NBPF19: variants seen among roughly 807,000 people sequenced by gnomAD.
NBPF19 encodes NBPF member 19.
NBPF19 carries 30 observed loss-of-function variants against 45.9 expected under a neutral mutation model. That is an observed-to-expected ratio of 0.65 (90% CI 0.49 to 0.89). The LOEUF is 0.89. Among genes scored for constraint, NBPF19 ranks in the 40% least tolerant of loss-of-function variants. The probability of loss-of-function intolerance (pLI) is 0.00; values close to 1 mark genes in which losing one functional copy is unlikely to be tolerated. For synonymous variants in NBPF19, 183 were observed against 181.2 expected (o/e 1.01, Z -0.08); for missense variants, 495 against 471.8 (o/e 1.05, Z -0.46).
intron 7 of NBPF19, among the ~76,000 whole-genome samples, chr1:149,482,599 C>A (rs1234648435): frequency 6.6e-6 from 1 of 152,148 alleles, no homozygotes; most frequent in Non-Finnish European, 1.5e-5. Flanking sequence ...GTTTGCTTTG[C>A]TTCTCTAGTT....
Position 149,478,197 on chromosome 1 carries a change from T to A in NBPF19, c.278+150T>A, listed in dbSNP as rs1390604666. The A allele has an allele frequency of 7.4e-4, 527 of 714,394 alleles. 15 individuals are homozygous for A. Among genetic ancestry groups the A allele is most frequent in the South Asian group, 6.6e-3 (412 of 61,976 alleles). The allele number at this position is 714,394 out of a possible 1,614,324, so 44.3% of individuals were successfully genotyped here. On this transcript the variant is annotated intron_variant, in intron 3 of 93. Transcript: ENST00000651566. ...CTCATGACACACAAATATTTATCAG[T>A]GAACAAGGATAATAATAAGTTCTGT...
At chr1:149,482,458 GT>G in intron 7 of NBPF19, among the ~76,000 whole-genome samples, 1 of 148,002 alleles carries the variant, frequency 6.8e-6, no homozygotes, top group South Asian at 2.1e-4. Context: ...GCCAAACAGG[GT>G]TTTCTTGTTG....
chr1:149,488,226 C>G (rs1253220259), intron 10 of NBPF19, 41 bp downstream of exon 10: 1 of 582,094 alleles, frequency 1.7e-6, no homozygotes, highest in Non-Finnish European at 3.0e-6. Flanking sequence ...TCCACTGAGT[C>G]TTCTGGTTAG....
At chr1:149,538,471 G>C (rs1347547952) in intron 73 of NBPF19, among the ~76,000 whole-genome samples, 40 of 33,794 alleles carry the variant, frequency 1.2e-3, no homozygotes, top group Admixed American at 3.3e-3. Context: ...GTGTGTGTGT[G>C]TGTGTGTCTA....
At chr1:149,481,018 T>G in intron 6 of NBPF19, 134 bp downstream of exon 6, 1 of 1,227,734 alleles carries the variant, frequency 8.1e-7, no homozygotes, top group Non-Finnish European at 1.2e-6. Flanking sequence ...TCAGGGAGTT[T>G]TTTTGTCCTT....
At chr1:149,484,346 G>T (rs1192841908) in intron 7 of NBPF19, among the ~76,000 whole-genome samples, 2 of 81,638 alleles carry the variant, frequency 2.4e-5, no homozygotes, top group Non-Finnish European at 4.3e-5. Flanking sequence ...GGGGCCTGTT[G>T]TAGGGTGGGG....
chr1:149,490,733 G>A (rs1459268958), intron 13 of NBPF19, among the ~76,000 whole-genome samples: 3 of 53,390 alleles, frequency 5.6e-5, no homozygotes, highest in Non-Finnish European at 6.8e-5. Flanking sequence ...TTCTCATGGC[G>A]ACTGCATGGA....
intron 10 of NBPF19, 32 bp downstream of exon 10, chr1:149,488,217 C>T: frequency 1.7e-6 from 1 of 591,020 alleles, no homozygotes; most frequent in South Asian, 2.0e-5. Flanking sequence ...TGATAAGGAT[C>T]CACTGAGTCT....
rs1286072376 is a variant in NBPF19, at chr1:149,495,655, CTGTGTG to C, written c.2223-228_2223-223del. On this transcript the variant is annotated intron_variant, in intron 19 of 93. Coordinates refer to ENST00000651566, the MANE Select transcript of NBPF19 (RefSeq NM_001351365.2). ...CTGAGCTCGTTCTCTCTCTCTCTCT[CTGTGTG>C]TGTGTGTGTGTGTGTGTGCGTGTGT... is the stretch of plus-strand genomic sequence containing the variant. Among the ~76,000 whole-genome samples, 69 of 42,126 alleles carry C rather than the reference CTGTGTG, an allele frequency of 1.6e-3. 1 individual carries two copies. The highest frequency in any genetic ancestry group is 2.5e-3 in the Non-Finnish European group (55 of 21,778). 27.6% of individuals were successfully genotyped at this position (42,126 alleles called of 152,430 possible).
intron 51 of NBPF19, among the ~76,000 whole-genome samples, 191 bp from the exon 52 acceptor site, chr1:149,521,128 G>GTCTTTC (rs2086720162): frequency 1.2e-5 from 1 of 82,202 alleles, no homozygotes; most frequent in Non-Finnish European, 2.6e-5. Context: ...CTCTCTCTCT[G>GTCTTTC]TCTTTCTCTT....
At chr1:149,486,314 G>A in intron 8 of NBPF19, 21 bp downstream of exon 8, 6 of 604,824 alleles carry the variant, frequency 9.9e-6, no homozygotes, top group South Asian at 9.2e-5. Context: ...CATTGTGAAG[G>A]TGATAAAGCT....
chr1:149,488,464 C>A (rs2085766998), intron 10 of NBPF19, among the ~76,000 whole-genome samples: 1 of 131,542 alleles, frequency 7.6e-6, no homozygotes, highest in Non-Finnish European at 1.6e-5. Flanking sequence ...ATTCACACAA[C>A]TCTGATTTTG....
At chr1:149,479,356 C>T (rs1210935267) in intron 4 of NBPF19, among the ~76,000 whole-genome samples, 1 of 148,186 alleles carries the variant, frequency 6.7e-6, no homozygotes, top group Non-Finnish European at 1.5e-5. Context: ...TTTTAAAGGA[C>T]AGGAAGGAGG....
At position 149,486,200 on chromosome 1, in the gene NBPF19, A is replaced by G; in HGVS notation, c.895A>G (p.Ile299Val). 1 of 501,394 alleles carries G rather than the reference A, an allele frequency of 2.0e-6. No homozygotes were observed. The highest frequency in any genetic ancestry group is 3.4e-6 in the Non-Finnish European group (1 of 292,610). 31.1% of individuals were successfully genotyped at this position (501,394 alleles called of 1,614,324 possible). A position where few individuals can be genotyped will look rare whatever the true frequency, so the allele number is the denominator to read the frequency against. Residue 299 changes from isoleucine (I) to valine (V), a missense_variant, in exon 8 of 94, where the codon ATT becomes GTT. Physicochemically the swap from Ile to Val is conservative, Grantham distance 29. This residue lies in a region of NBPF19 where 146 missense variants were observed against 67.3 expected (regional missense o/e 2.17). Coordinates refer to ENST00000651566, the MANE Select transcript of NBPF19 (RefSeq NM_001351365.2). ...SWDEGYSTLS[I>V]PPEMLASYQS... Reference sequence around the variant, plus strand: ...GGATGAAGGTTATTCGACTCTCTCAATTCCTCCTGAAATGTTGGCCTCGTA... The same window carrying G: ...GGATGAAGGTTATTCGACTCTCTCAGTTCCTCCTGAAATGTTGGCCTCGTA...
chr1:149,479,177 A>T, intron 4 of NBPF19, 83 bp downstream of exon 4: 2 of 1,542,242 alleles, frequency 1.3e-6, no homozygotes, highest in South Asian at 1.1e-5. Context: ...AATGACAGTT[A>T]TATCAGTGGG....
chr1:149,528,961 G>GTGTC (rs2086918035), intron 61 of NBPF19, among the ~76,000 whole-genome samples: 10 of 131,560 alleles, frequency 7.6e-5, no homozygotes, highest in South Asian at 2.6e-4. Context: ...GTGTGTGTGT[G>GTGTC]TGTGTGTGTG....
chr1:149,487,249 C>T (rs1198391397), intron 8 of NBPF19, 83 bp from the exon 9 acceptor site: 19 of 920,432 alleles, frequency 2.1e-5, no homozygotes, highest in Non-Finnish European at 2.8e-5. Context: ...GACTGATGTC[C>T]CTGTGTTAGG....
chr1:149,490,886 C>G (rs1272073710), intron 13 of NBPF19, among the ~76,000 whole-genome samples: 2 of 126,578 alleles, frequency 1.6e-5, no homozygotes, highest in Non-Finnish European at 3.3e-5. Context: ...AGCTCGTTCT[C>G]TCTCTCTCTC....
intron 7 of NBPF19, among the ~76,000 whole-genome samples, chr1:149,483,896 G>A (rs2085356950): frequency 3.6e-5 from 1 of 27,810 alleles, no homozygotes; most frequent in Non-Finnish European, 7.3e-5. Flanking sequence ...TACACTGTTG[G>A]TGGGACTGTA....
Sources: gnomAD v4.1 joint callset for allele counts (sites outside exome capture counted in the v4.1 genomes callset) on GRCh38, gnomAD v4.1.1 for gene constraint, gnomAD v4.1.1 regional missense constraint, MANE v1.5 for transcripts, NCBI Gene and HGNC (gene_info 2026-07-23, HGNC 2026-07-21) for gene names.